COL9A2: variants seen among roughly 807,000 people sequenced by gnomAD.
The protein encoded by COL9A2 is collagen type IX alpha 2 chain.
COL9A2 carries 66 observed loss-of-function variants against 111.6 expected under a neutral mutation model. The ratio of observed to expected loss-of-function variants is 0.59; its 90% CI spans 0.48 to 0.73. The LOEUF is 0.73. Among genes scored for constraint, COL9A2 ranks in the 30% least tolerant of loss-of-function variants. COL9A2 has a pLI of 0.00. For missense variants in COL9A2, 881 were observed against 954.1 expected (o/e 0.92, Z 1.01); for synonymous variants, 353 against 364.1 (o/e 0.97, Z 0.35).
At position 40,305,351 on chromosome 1, in the gene COL9A2, G is replaced by A. The variant is rs974844352; in HGVS notation, c.1107+364C>T. 6.6e-5 allele frequency among the ~76,000 whole-genome samples: 10 copies of A among 152,120 alleles called. No individual in the cohort carries two copies. The South Asian group carries it at 1.0e-3, about 16-fold the overall frequency. On this transcript the variant is annotated intron_variant, in intron 21 of 31. Coordinates refer to ENST00000372748, the MANE Select transcript of COL9A2 (RefSeq NM_001852.4). The stretch of plus-strand genomic sequence containing the variant: ...ATTACAGGCGTGAGCCACCGCGCCC[G>A]GCGTGATCATTTATTTCATGTCTAT...
chr1:40,304,244 G>A lies in COL9A2; in HGVS notation c.1287+76C>T, dbSNP rs2124052351. On this transcript the variant is annotated intron_variant, in intron 24 of 31. Transcript: ENST00000372748. The stretch of plus-strand genomic sequence containing the variant: ...ATCCGCAGGTTTGGAGGCTCCGGAA[G>A]GATCTGAGTCCTGCCGACCCCACTC... 5 of 1,535,090 alleles carry A rather than the reference G, an allele frequency of 3.3e-6. No individual in the cohort carries two copies. In the South Asian group the frequency reaches 4.8e-5, roughly 15 times the overall value.
Position 40,303,001 on chromosome 1 carries a change from A to G in COL9A2, c.1603+130T>C. 8.8e-7 allele frequency: 1 copy of G among 1,133,794 alleles called. No homozygotes were observed. The highest frequency in any genetic ancestry group is 1.3e-6 in the Non-Finnish European group (1 of 774,662). 70.2% of individuals were successfully genotyped at this position (1,133,794 alleles called of 1,614,324 possible). On this transcript the variant is annotated intron_variant, in intron 29 of 31. Transcript: ENST00000372748. The surrounding 1 kb of genome is among the most constrained non-coding windows in gnomAD (Gnocchi z 4.6). ...CTTATTCAAGGTCCCAAAACCCTTC[A>G]GAGACTGGACTGGAAGGAGCCCCCA...
At position 40,303,269 on chromosome 1, in the gene COL9A2, C is replaced by T. The variant is rs1483376187; in HGVS notation, c.1549-84G>A. ...CCCACCTGGCTGAGCGTGAGGCCGC[C>T]ATGGAGGAGACTCTGGTGTTGAGTC... On this transcript the variant is annotated intron_variant, in intron 28 of 31. Coordinates refer to ENST00000372748, the MANE Select transcript of COL9A2 (RefSeq NM_001852.4). This position sits in a 1 kb window ranked among gnomAD's most constrained non-coding sequence, Gnocchi z 4.6. The T allele has an allele frequency of 2.9e-6, 4 of 1,379,150 alleles. No individual in the cohort carries two copies. Among genetic ancestry groups the T allele is most frequent in the Middle Eastern group, 3.6e-4 (2 of 5,620 alleles). The allele number at this position is 1,379,150 out of a possible 1,614,324, so 85.4% of individuals were successfully genotyped here. A position where few individuals can be genotyped will look rare whatever the true frequency, so the allele number is the denominator to read the frequency against.
chr1:40,301,230 G>T lies in COL9A2; in HGVS notation c.2022C>A (p.Ala674=), dbSNP rs778216645. 1 of 1,614,022 alleles carries T rather than the reference G, an allele frequency of 6.2e-7. No homozygotes were observed. Among genetic ancestry groups the T allele is most frequent in the African/African-American group, 1.3e-5 (1 of 74,950 alleles). ...CEPAACLGAS[A]YASARLTEPG... is the part of the protein sequence containing the mutation. ...GCTCTGTAAGGCGGGCAGAGGCATA[G>T]GCCGAAGCTCCAAGGCAGGCGGCAG... is the stretch of plus-strand genomic sequence containing the variant. The change falls in exon 32 of 32, where the codon GCC becomes GCA. Residue 674 remains alanine (A), a synonymous_variant. Transcript: ENST00000372748.
Position 40,307,842 on chromosome 1 carries a change from G to T in COL9A2, c.901-86C>A, listed in dbSNP as rs75996151. The T allele has an allele frequency of 0.052, 74,198 of 1,421,772 alleles. 2,302 individuals carry two copies. The highest frequency in any genetic ancestry group is 0.11 in the Middle Eastern group (603 of 5,696). The allele number at this position is 1,421,772 out of a possible 1,614,324, so 88.1% of individuals were successfully genotyped here. A position where few individuals can be genotyped will look rare whatever the true frequency, so the allele number is the denominator to read the frequency against. ...CCACCCCTGTTCCTCTGAGACAGCT[G>T]CAGTGTGCAGGGAGGGAGTGGCTCT... On this transcript the variant is annotated intron_variant, in intron 17 of 31. Coordinates refer to ENST00000372748, the MANE Select transcript of COL9A2 (RefSeq NM_001852.4). The surrounding 1 kb of genome is among the most constrained non-coding windows in gnomAD (Gnocchi z 4.8).
chr1:40,301,414 C>T (rs765582256), intron 31 of COL9A2, 33 bp from the exon 32 acceptor site: 2 of 1,570,850 alleles, frequency 1.3e-6, no homozygotes, highest in South Asian at 1.2e-5. Flanking sequence ...ACATTAGGGG[C>T]ACCTCTTGTC....
At position 40,310,184 on chromosome 1, in the gene COL9A2, G is replaced by T. The variant is rs1169835017; in HGVS notation, c.739-20C>A. On this transcript the variant is annotated intron_variant, in intron 14 of 31. Transcript: ENST00000372748. This position sits in a 1 kb window ranked among gnomAD's most constrained non-coding sequence, Gnocchi z 4.9. ...AGGGCCCTGGGGAGAGGAAAGGGTTGCAGGTCAGTCCTGGCTGAACTCCAG... is the reference window on the plus strand; with the variant it reads ...AGGGCCCTGGGGAGAGGAAAGGGTTTCAGGTCAGTCCTGGCTGAACTCCAG... The T allele has an allele frequency of 5.0e-6, 8 of 1,614,150 alleles. No individual in the cohort carries two copies. The highest frequency in any genetic ancestry group is 5.9e-6 in the Non-Finnish European group (7 of 1,179,998).
At position 40,303,094 on chromosome 1, in the gene COL9A2, CT is replaced by C. The variant is rs775483538; in HGVS notation, c.1603+36del. 18 of 1,604,446 alleles carry C rather than the reference CT, an allele frequency of 1.1e-5. No individual in the cohort carries two copies. Among genetic ancestry groups the C allele is most frequent in the Non-Finnish European group, 1.5e-5 (18 of 1,175,376 alleles). ...GAGGGGGTGAGGGGGCGGCGATGCCCTCGAACTGACTGTGAGGAGGGGTTGC... is the reference window on the plus strand; with the variant it reads ...GAGGGGGTGAGGGGGCGGCGATGCCCCGAACTGACTGTGAGGAGGGGTTGC... On this transcript the variant is annotated intron_variant, in intron 29 of 31. Transcript: ENST00000372748. The surrounding 1 kb of genome is among the most constrained non-coding windows in gnomAD (Gnocchi z 4.6).
chr1:40,310,858 A>G lies in COL9A2; in HGVS notation c.631-91T>C. ...AGATACCACCTCTTTTCCCCAGCACAAGCAGACGGGAGGGACTACTACGAA... is the reference window on the plus strand; with the variant it reads ...AGATACCACCTCTTTTCCCCAGCACGAGCAGACGGGAGGGACTACTACGAA... On this transcript the variant is annotated intron_variant, in intron 12 of 31. Coordinates refer to ENST00000372748, the MANE Select transcript of COL9A2 (RefSeq NM_001852.4). This position sits in a 1 kb window ranked among gnomAD's most constrained non-coding sequence, Gnocchi z 4.9. 1 of 1,183,762 alleles carries G rather than the reference A, an allele frequency of 8.4e-7. No individual in the cohort carries two copies. The highest frequency in any genetic ancestry group is 1.2e-6 in the Non-Finnish European group (1 of 814,156). 73.3% of individuals were successfully genotyped at this position (1,183,762 alleles called of 1,614,324 possible). A position where few individuals can be genotyped will look rare whatever the true frequency, so the allele number is the denominator to read the frequency against.
At chr1:40,313,054 G>C (rs1157111354) in intron 4 of COL9A2, among the ~76,000 whole-genome samples, 1 of 152,234 alleles carries the variant, frequency 6.6e-6, no homozygotes, top group African/African-American at 2.4e-5. Flanking sequence ...CATGCCTCCG[G>C]GTTCAGGAGT....
At position 40,312,358 on chromosome 1, in the gene COL9A2, C is replaced by T. The variant is rs1412667700; in HGVS notation, c.363+98G>A. 4 of 1,503,138 alleles carry T rather than the reference C, an allele frequency of 2.7e-6. No individual in the cohort carries two copies. The highest frequency in any genetic ancestry group is 3.6e-6 in the Non-Finnish European group (4 of 1,098,674). 93.1% of individuals were successfully genotyped at this position (1,503,138 alleles called of 1,614,324 possible). A position where few individuals can be genotyped will look rare whatever the true frequency, so the allele number is the denominator to read the frequency against. On this transcript the variant is annotated intron_variant, in intron 7 of 31. Transcript: ENST00000372748. This position sits in a 1 kb window ranked among gnomAD's most constrained non-coding sequence, Gnocchi z 6.0. Reference sequence around the variant, plus strand: ...TTATTCCTGACACTATCACAGCAAGCTGGCTCCTTCCCATGGTGGCCATTC... The same window carrying T: ...TTATTCCTGACACTATCACAGCAAGTTGGCTCCTTCCCATGGTGGCCATTC...
Position 40,312,240 on chromosome 1 carries a change from G to A in COL9A2, c.364-128C>T, listed in dbSNP as rs1644142493. The A allele has an allele frequency of 2.0e-6, 2 of 1,008,124 alleles. No individual in the cohort carries two copies. The highest frequency in any genetic ancestry group is 1.7e-5 in the African/African-American group (1 of 59,782). 62.4% of individuals were successfully genotyped at this position (1,008,124 alleles called of 1,614,324 possible). On this transcript the variant is annotated intron_variant, in intron 7 of 31. Coordinates refer to ENST00000372748, the MANE Select transcript of COL9A2 (RefSeq NM_001852.4). This position sits in a 1 kb window ranked among gnomAD's most constrained non-coding sequence, Gnocchi z 6.0. Reference sequence around the variant, plus strand: ...TTTTTTTTTTTTTGCCAACCCCAGAGAGACTGACAGACTGAGGCTTTAAGG... The same window carrying A: ...TTTTTTTTTTTTTGCCAACCCCAGAAAGACTGACAGACTGAGGCTTTAAGG...
rs1644143286 is a variant in COL9A2 at position 40,312,309 on chromosome 1, G to A, written c.363+147C>T. The A allele has an allele frequency of 4.1e-6, 5 of 1,213,198 alleles. No individual in the cohort carries two copies. The Admixed American group carries it at 6.0e-5, about 15-fold the overall frequency. 75.2% of individuals were successfully genotyped at this position (1,213,198 alleles called of 1,614,324 possible). A position where few individuals can be genotyped will look rare whatever the true frequency, so the allele number is the denominator to read the frequency against. The stretch of plus-strand genomic sequence containing the variant: ...CAGTGGACAGGCCCAGAGTGGGCTG[G>A]CCCTGGGTCTCTGGCAGGTCCACTT... On this transcript the variant is annotated intron_variant, in intron 7 of 31. Coordinates refer to ENST00000372748, the MANE Select transcript of COL9A2 (RefSeq NM_001852.4). The surrounding 1 kb of genome is among the most constrained non-coding windows in gnomAD (Gnocchi z 6.0).
In COL9A2 at chr1:40,301,981, G is replaced by A. The variant is rs1387734783; in HGVS notation, c.1793-92C>T. 6 of 1,302,152 alleles carry A rather than the reference G, an allele frequency of 4.6e-6. No homozygotes were observed. In the East Asian group the frequency reaches 1.3e-4, roughly 27 times the overall value. 80.7% of individuals were successfully genotyped at this position (1,302,152 alleles called of 1,614,324 possible). ...TGTTTCACGCAAAGAAATTATTCCT[G>A]TTTTGTGCTAGTTTGTAATAGAGGA... On this transcript the variant is annotated intron_variant, in intron 30 of 31. Coordinates refer to ENST00000372748, the MANE Select transcript of COL9A2 (RefSeq NM_001852.4).
chr1:40,302,294 G>A lies in COL9A2; in HGVS notation c.1792+327C>T, dbSNP rs1209871164. 6.6e-6 allele frequency among the ~76,000 whole-genome samples: 1 copy of A among 152,128 alleles called. No homozygotes were observed. The highest frequency in any genetic ancestry group is 1.5e-5 in the Non-Finnish European group (1 of 68,024). On this transcript the variant is annotated intron_variant, in intron 30 of 31. Transcript: ENST00000372748. This position sits in a 1 kb window ranked among gnomAD's most constrained non-coding sequence, Gnocchi z 4.5. ...CTGAGAGCCACGATGAGAAAGGGGA[G>A]TCTGGATTCACACCCGTGTGTGGCT...
Position 40,312,753 on chromosome 1 carries a change from G to T in COL9A2, c.281C>A (p.Pro94His). 1 of 1,552,816 alleles carries T rather than the reference G, an allele frequency of 6.4e-7. No homozygotes were observed. The highest frequency in any genetic ancestry group is 1.4e-5 in the African/African-American group (1 of 73,224). The change falls in exon 5 of 32, where the codon CCC (proline) becomes CAC (histidine). Residue 94 changes from proline (P) to histidine (H), a missense_variant. Physicochemically the swap from Pro to His is moderately conservative, Grantham distance 77. Coordinates refer to ENST00000372748, the MANE Select transcript of COL9A2 (RefSeq NM_001852.4). This position sits in a 1 kb window ranked among gnomAD's most constrained non-coding sequence, Gnocchi z 6.0. Reference sequence around the variant, plus strand: ...TACCTTGACTCCAGGGATCCCCATGGGGCCAGGCTCCCCCTTGGCTCCAGT... The same window carrying T: ...TACCTTGACTCCAGGGATCCCCATGTGGCCAGGCTCCCCCTTGGCTCCAGT... ...GLTGAKGEPG[P>H]MGIPGVKGQP...
In COL9A2 at chr1:40,311,278, G is replaced by C; in HGVS notation, c.528C>G (p.Thr176=). ...GACCTTTCATTCCGGGTGGACAGTTGGTTGGACACTGGAAACAGAAAATCC... is the reference window on the plus strand; with the variant it reads ...GACCTTTCATTCCGGGTGGACAGTTCGTTGGACACTGGAAACAGAAAATCC... The part of the protein sequence containing the change: ...LEGSADFLCP[T]NCPPGMKGPP... The change falls in exon 11 of 32, where the codon ACC becomes ACG. Residue 176 remains threonine (T), a synonymous_variant. Coordinates refer to ENST00000372748, the MANE Select transcript of COL9A2 (RefSeq NM_001852.4). This position sits in a 1 kb window ranked among gnomAD's most constrained non-coding sequence, Gnocchi z 5.1. The C allele has an allele frequency of 1.2e-6, 2 of 1,614,062 alleles. No homozygotes were observed. Among genetic ancestry groups the C allele is most frequent in the Non-Finnish European group, 1.7e-6 (2 of 1,179,968 alleles).
chr1:40,310,843 T>C lies in COL9A2; in HGVS notation c.631-76A>G. 1 of 1,277,804 alleles carries C rather than the reference T, an allele frequency of 7.8e-7. No individual in the cohort carries two copies. Among genetic ancestry groups the C allele is most frequent in the Non-Finnish European group, 1.1e-6 (1 of 899,776 alleles). The allele number at this position is 1,277,804 out of a possible 1,614,324, so 79.2% of individuals were successfully genotyped here. A position where few individuals can be genotyped will look rare whatever the true frequency, so the allele number is the denominator to read the frequency against. ...TATACAGACAAGCAAAGATACCACC[T>C]CTTTTCCCCAGCACAAGCAGACGGG... On this transcript the variant is annotated intron_variant, in intron 12 of 31. Transcript: ENST00000372748. The surrounding 1 kb of genome is among the most constrained non-coding windows in gnomAD (Gnocchi z 4.9).
rs34036643 is a variant in COL9A2 at position 40,312,212 on chromosome 1, C to CT, written c.364-101dup. The CT allele has an allele frequency of 0.2, 182,491 of 908,700 alleles. 5,888 individuals carry two copies. Among genetic ancestry groups the CT allele is most frequent in the African/African-American group, 0.4 (21,669 of 54,758 alleles). 56.3% of individuals were successfully genotyped at this position (908,700 alleles called of 1,614,324 possible). A position where few individuals can be genotyped will look rare whatever the true frequency, so the allele number is the denominator to read the frequency against. ...CCCAAAGCCCGTTTCTCCACTTTTA[C>CT]TTTTTTTTTTTTTTTGCCAACCCCA... On this transcript the variant is annotated intron_variant, in intron 7 of 31. Transcript: ENST00000372748. The surrounding 1 kb of genome is among the most constrained non-coding windows in gnomAD (Gnocchi z 6.0).
Sources: allele counts gnomAD v4.1 joint callset (sites outside exome capture counted in the v4.1 genomes callset), GRCh38; gene constraint gnomAD v4.1.1; non-coding constraint Gnocchi (gnomAD v3.1); transcripts MANE v1.5; gene names NCBI Gene and HGNC (gene_info 2026-07-23, HGNC 2026-07-21).